XIRP2: variants seen among roughly 807,000 people sequenced by gnomAD.
XIRP2 encodes xin actin binding repeat containing 2.
Under a neutral mutation model 277.0 loss-of-function variants are expected in XIRP2, and 236 were observed. The observed-to-expected ratio is 0.85, with a 90% confidence interval of 0.77 to 0.95. XIRP2 has a LOEUF of 0.95. Among genes scored for constraint, XIRP2 ranks in the 40% least tolerant of loss-of-function variants. The probability of loss-of-function intolerance (pLI) is 0.00; values close to 1 mark genes in which losing one functional copy is unlikely to be tolerated. For synonymous variants in XIRP2, 1,490 were observed against 1,416.5 expected, an observed-to-expected ratio of 1.05 and a Z score of -1.17; for missense variants, 4,640 against 4,157.5, an observed-to-expected ratio of 1.12 and a Z score of -3.19.
chr2:167,078,703 G>A (rs1689645654), intron 2 of XIRP2, among the ~76,000 whole-genome samples: 1 of 152,042 alleles, frequency 6.6e-6, no homozygotes, highest in Admixed American at 6.6e-5. Context: ...AGGGCATGGT[G>A]GCGGGCGCCT....
Position 166,892,757 on chromosome 2 carries a change from C to T in XIRP2, c.-19+4200C>T, listed in dbSNP as rs181700125. Among the ~76,000 whole-genome samples the T allele has an allele frequency of 6.2e-3, 921 of 149,336 alleles. 2 individuals are homozygous for T. The highest frequency in any genetic ancestry group is 0.019 in the South Asian group (90 of 4,738). On this transcript the variant is annotated intron_variant, in intron 1 of 10. Transcript: ENST00000409195. ...GACATAGAATGCTACAATTTTGGAGCAATGAAAAATGACATCACTTGCAGT... is the reference window on the plus strand; with the variant it reads ...GACATAGAATGCTACAATTTTGGAGTAATGAAAAATGACATCACTTGCAGT...
At chr2:167,067,710 T>G (rs78071727) in intron 2 of XIRP2, among the ~76,000 whole-genome samples, 2 of 152,180 alleles carry the variant, frequency 1.3e-5, no homozygotes, top group Admixed American at 1.3e-4. Flanking sequence ...ACTAGCTCGA[T>G]GCAGGGTTGC....
Position 167,241,888 on chromosome 2 carries a change from C to A in XIRP2, c.1154C>A (p.Thr385Lys), listed in dbSNP as rs1431613915. ...EKILYSDKEM[T>K]TPAKQIKTES... is the part of the protein sequence containing the mutation. ...ATCCTTTATTCTGACAAAGAGATGA[C>A]AACCCCAGCCAAGCAGATTAAGGTA... The change falls in exon 8 of 11, where the codon ACA (threonine) becomes AAA (lysine). Residue 385 changes from threonine (T) to lysine (K), a missense_variant. Transcript: ENST00000409195. 6.2e-7 allele frequency: 1 copy of A among 1,612,784 alleles called. No homozygotes were observed. The highest frequency in any genetic ancestry group is 1.3e-5 in the African/African-American group (1 of 74,806).
chr2:167,227,862 AACTTT>A (rs1694650607), intron 5 of XIRP2, among the ~76,000 whole-genome samples: 1 of 152,264 alleles, frequency 6.6e-6, no homozygotes, highest in African/African-American at 2.4e-5. Flanking sequence ...TTAAGACTGA[AACTTT>A]ACTTCATTAC....
intron 2 of XIRP2, among the ~76,000 whole-genome samples, chr2:167,086,944 G>C (rs1359135973): frequency 2.0e-5 from 3 of 152,196 alleles, no homozygotes; most frequent in South Asian, 4.1e-4. Flanking sequence ...CTGTCAGCTG[G>C]CCAAAGTCAT....
intron 5 of XIRP2, among the ~76,000 whole-genome samples, chr2:167,220,570 G>A (rs974329212): frequency 3.9e-5 from 6 of 152,254 alleles, no homozygotes; most frequent in South Asian, 2.1e-4. Context: ...CTTCCACTGC[G>A]TTGGCCCCAT....
intron 2 of XIRP2, among the ~76,000 whole-genome samples, chr2:167,116,723 C>T (rs564444088): frequency 1.3e-5 from 2 of 152,082 alleles, no homozygotes; most frequent in African/African-American, 2.4e-5. Flanking sequence ...TAATGTTTAA[C>T]TAAATTATGT....
intron 3 of XIRP2, among the ~76,000 whole-genome samples, chr2:167,196,412 T>TTGTGTGTG (rs71031280): frequency 0.039 from 5,510 of 141,818 alleles, 147 homozygotes; most frequent in South Asian, 0.083. Flanking sequence ...GTCAAGAATT[T>TTGTGTGTG]TGTGTGTGTG....
chr2:167,097,221 G>A (rs1357036586), intron 2 of XIRP2, among the ~76,000 whole-genome samples: 1 of 152,044 alleles, frequency 6.6e-6, no homozygotes, highest in East Asian at 1.9e-4. Context: ...TATAAATCTG[G>A]GTGCTCCTGT....
rs758166450 is a variant in XIRP2 at position 167,251,103 on chromosome 2, A to G, written c.9711A>G (p.Thr3237=). The G allele has an allele frequency of 1.4e-5, 22 of 1,613,594 alleles. No homozygotes were observed. The South Asian group carries it at 2.0e-4, about 14-fold the overall frequency. ...IETRGRDSPP[T]ITIPVNINHA... The stretch of plus-strand genomic sequence containing the variant: ...CTCGTGGTAGGGACTCTCCACCTAC[A>G]ATCACAATACCAGTAAATATAAATC... Residue 3237 remains threonine (T), a synonymous_variant, in exon 9 of 11, where the codon ACA becomes ACG. Transcript: ENST00000409195.
chr2:167,170,940 C>A (rs1692672362), intron 3 of XIRP2, among the ~76,000 whole-genome samples: 1 of 135,308 alleles, frequency 7.4e-6, no homozygotes, highest in African/African-American at 2.8e-5. Flanking sequence ...TTCTCTGTTG[C>A]CCAGGCTGGA....
intron 2 of XIRP2, among the ~76,000 whole-genome samples, chr2:166,922,132 G>A (rs1558917034): frequency 6.6e-6 from 1 of 152,128 alleles, no homozygotes; most frequent in Non-Finnish European, 1.5e-5. Context: ...CTGTCTTCTT[G>A]ATTCCAGTTT....
chr2:167,244,857 G>C lies in XIRP2; in HGVS notation c.3465G>C (p.Glu1155Asp). Residue 1155 changes from glutamate (E) to aspartate (D), a missense_variant, in exon 9 of 11, where the codon GAG becomes GAC. Transcript: ENST00000409195. ...TCAAATTGCAAACTGTAAAACAGGA[G>C]GAGATCCAAGGTGGGGATGTTCGTA... Reference protein sequence around the residue: ...TAVKLQTVKQEEIQGGDVRTA... With the variant: ...TAVKLQTVKQDEIQGGDVRTA... The C allele has an allele frequency of 1.9e-6, 3 of 1,613,698 alleles. No individual in the cohort carries two copies. Among genetic ancestry groups the C allele is most frequent in the Non-Finnish European group, 2.5e-6 (3 of 1,179,760 alleles).
intron 2 of XIRP2, among the ~76,000 whole-genome samples, chr2:167,046,094 C>A (rs1487253672): frequency 6.6e-6 from 1 of 151,792 alleles, no homozygotes; most frequent in Non-Finnish European, 1.5e-5. Flanking sequence ...TACCTGTATT[C>A]CTAGGTATTT....
chr2:166,891,515 A>T (rs1021147737), intron 1 of XIRP2, among the ~76,000 whole-genome samples: 2 of 152,200 alleles, frequency 1.3e-5, no homozygotes, highest in Admixed American at 1.3e-4. Flanking sequence ...TTTCCTTAAT[A>T]TTGAAAATGC....
chr2:167,084,415 G>A (rs2105266339), intron 2 of XIRP2, among the ~76,000 whole-genome samples: 1 of 151,466 alleles, frequency 6.6e-6, no homozygotes, highest in Non-Finnish European at 1.5e-5. Flanking sequence ...TTTTGGTTGT[G>A]TCTCTGCCCG....
At chr2:167,013,836 A>G (rs1446850236) in intron 2 of XIRP2, among the ~76,000 whole-genome samples, 1 of 151,348 alleles carries the variant, frequency 6.6e-6, no homozygotes, top group Non-Finnish European at 1.5e-5. Context: ...ATGTAGGTCC[A>G]AGGTTTTTCT....
chr2:167,048,179 T>C (rs1688834753), intron 2 of XIRP2, among the ~76,000 whole-genome samples: 2 of 152,028 alleles, frequency 1.3e-5, no homozygotes, highest in Admixed American at 1.3e-4. Flanking sequence ...AATATATCTC[T>C]TATGCATATT....
At chr2:167,212,604 A>G (rs1346423340) in intron 4 of XIRP2, among the ~76,000 whole-genome samples, 2 of 152,336 alleles carry the variant, frequency 1.3e-5, no homozygotes, top group African/African-American at 4.8e-5. Flanking sequence ...GAAAAGCAAG[A>G]GAAAGTTACT....
Sources: allele counts gnomAD v4.1 joint callset (sites outside exome capture counted in the v4.1 genomes callset), GRCh38; gene constraint gnomAD v4.1.1; transcripts MANE v1.5; gene names NCBI Gene and HGNC (gene_info 2026-07-23, HGNC 2026-07-21).